Variants in MCAM observed in about 807,000 individuals in gnomAD.
MCAM encodes the protein cell surface glycoprotein MUC18.
MCAM carries 55 observed loss-of-function variants against 79.1 expected under a neutral mutation model. The observed-to-expected ratio is 0.70, with a 90% CI of 0.56 to 0.87. The LOEUF (loss-of-function observed/expected upper bound fraction) is 0.87. Among genes scored for constraint, MCAM ranks in the 40% least tolerant of loss-of-function variants. The pLI is 0.00. For missense variants in MCAM, 745 were observed against 839.8 expected, an observed-to-expected ratio of 0.89 and a Z score of 1.40; for synonymous variants, 330 against 339.8, an observed-to-expected ratio of 0.97 and a Z score of 0.32.
chr11:119,314,390 CAG>C, intron 5 of MCAM, 97 bp downstream of exon 5: 1 of 1,085,970 alleles, frequency 9.2e-7, no homozygotes, highest in South Asian at 1.3e-5. Flanking sequence ...TCCTCACCTC[CAG>C]AGATCCTCCT....
rs1309747775 is a variant in MCAM, at chr11:119,314,317, G to A, written c.559+172C>T. 7 of 622,280 alleles carry A rather than the reference G, an allele frequency of 1.1e-5. No individual in the cohort carries two copies. In the Admixed American group the frequency reaches 2.0e-4, roughly 18 times the overall value. The allele number at this position is 622,280 out of a possible 1,614,324, so 38.5% of individuals were successfully genotyped here. A position where few individuals can be genotyped will look rare whatever the true frequency, so the allele number is the denominator to read the frequency against. Reference sequence around the variant, plus strand: ...ACCACAGGCACACACCACCATGCCTGGCTAATTTTTTTATTTTCTGTAGAG... The same window carrying A: ...ACCACAGGCACACACCACCATGCCTAGCTAATTTTTTTATTTTCTGTAGAG... On this transcript the variant is annotated intron_variant, in intron 5 of 15. Transcript: ENST00000264036.
intron 15 of MCAM, 131 bp downstream of exon 15, chr11:119,310,215 GTGT>G: frequency 1.4e-6 from 1 of 715,800 alleles, no homozygotes; most frequent in South Asian, 1.6e-5. Flanking sequence ...TCTGTGAGTA[GTGT>G]TAAGAAGGCA....
Position 119,312,994 on chromosome 11 carries a change from T to A in MCAM, c.560-45A>T, listed in dbSNP as rs369352240. On this transcript the variant is annotated intron_variant, in intron 5 of 15. Coordinates refer to ENST00000264036, the MANE Select transcript of MCAM (RefSeq NM_006500.3). The surrounding 1 kb of genome is among the most constrained non-coding windows in gnomAD (Gnocchi z 4.9). ...AGGAAGACTCAGCCTCAGCCCCACCTCCAGCCCCACCCTAGGGTTGTCCAC... is the reference window on the plus strand; with the variant it reads ...AGGAAGACTCAGCCTCAGCCCCACCACCAGCCCCACCCTAGGGTTGTCCAC... The A allele has an allele frequency of 6.2e-7, 1 of 1,611,978 alleles. No homozygotes were observed. The highest frequency in any genetic ancestry group is 1.3e-5 in the African/African-American group (1 of 74,888).
chr11:119,314,453 G>A, intron 5 of MCAM, 36 bp downstream of exon 5: 1 of 1,570,312 alleles, frequency 6.4e-7, no homozygotes, highest in Non-Finnish European at 8.8e-7. Flanking sequence ...ACCACACCTG[G>A]CCCAAGGGTG....
At position 119,312,807 on chromosome 11, in the gene MCAM, G is replaced by T. The variant is rs1271818541; in HGVS notation, c.702C>A (p.His234Gln). 6.2e-7 allele frequency: 1 copy of T among 1,614,226 alleles called. No homozygotes were observed. The highest frequency in any genetic ancestry group is 1.1e-5 in the South Asian group (1 of 91,090). The change falls in exon 6 of 16, where the codon CAC (histidine) becomes CAA (glutamine). Residue 234 changes from histidine to glutamine, a missense_variant. Coordinates refer to ENST00000264036, the MANE Select transcript of MCAM (RefSeq NM_006500.3). The surrounding 1 kb of genome is among the most constrained non-coding windows in gnomAD (Gnocchi z 4.9). ...CGGTGACTTCCCTGGACTCCTTCAT[G>T]TGGTTCCCACTGGGCAGCCGGTAGT... Reference protein sequence around the residue: ...ELNYRLPSGNHMKESREVTVP... With the variant: ...ELNYRLPSGNQMKESREVTVP...
In MCAM at chr11:119,317,013, G is replaced by GC; in HGVS notation, c.67+21dup. 2 of 1,525,200 alleles carry GC rather than the reference G, an allele frequency of 1.3e-6. No individual in the cohort carries two copies. The highest frequency in any genetic ancestry group is 1.8e-6 in the Non-Finnish European group (2 of 1,140,350). The allele number at this position is 1,525,200 out of a possible 1,614,324, so 94.5% of individuals were successfully genotyped here. On this transcript the variant is annotated intron_variant, in intron 1 of 15. Transcript: ENST00000264036. This position sits in a 1 kb window ranked among gnomAD's most constrained non-coding sequence, Gnocchi z 6.2. ...ACCGCAGACCCCTAGCCGGGGCGCG[G>GC]CCCCCCTGCGAGCGAACTCACCCGC...
chr11:119,316,240 G>C lies in MCAM; in HGVS notation c.67+795C>G, dbSNP rs952588986. 6 of 152,386 alleles carry C rather than the reference G, an allele frequency of 3.9e-5. No homozygotes were observed. The highest frequency in any genetic ancestry group is 7.3e-5 in the Non-Finnish European group (5 of 68,066). 9.4% of individuals were successfully genotyped at this position (152,386 alleles called of 1,614,324 possible). On this transcript the variant is annotated intron_variant, in intron 1 of 15. Coordinates refer to ENST00000264036, the MANE Select transcript of MCAM (RefSeq NM_006500.3). This position sits in a 1 kb window ranked among gnomAD's most constrained non-coding sequence, Gnocchi z 4.8. ...GCCTAGCCCTCCCCTTCCCCAGCCG[G>C]ACAGCGGCTGGGACGGCGGAATGGG...
chr11:119,311,485 G>T lies in MCAM; in HGVS notation c.1407+45C>A, dbSNP rs764800632. On this transcript the variant is annotated intron_variant, in intron 11 of 15. Transcript: ENST00000264036. This position sits in a 1 kb window ranked among gnomAD's most constrained non-coding sequence, Gnocchi z 4.4. Reference sequence around the variant, plus strand: ...GGATCTCTGGTCCTGGCCACAAAGCGCAGGCAGGGATTAGGAGAGTGTGGC... The same window carrying T: ...GGATCTCTGGTCCTGGCCACAAAGCTCAGGCAGGGATTAGGAGAGTGTGGC... 2 of 1,613,666 alleles carry T rather than the reference G, an allele frequency of 1.2e-6. No homozygotes were observed. The highest frequency in any genetic ancestry group is 1.3e-5 in the African/African-American group (1 of 74,894).
chr11:119,312,695 G>C lies in MCAM; in HGVS notation c.740-47C>G, dbSNP rs777079515. On this transcript the variant is annotated intron_variant, in intron 6 of 15. Transcript: ENST00000264036. The surrounding 1 kb of genome is among the most constrained non-coding windows in gnomAD (Gnocchi z 4.9). ...CTCTTGGCCCATGAGTCAACCCTGG[G>C]CTGGATAAGGGGGAGCCAGCAGGAG... The C allele has an allele frequency of 1.9e-6, 3 of 1,614,018 alleles. No homozygotes were observed. The highest frequency in any genetic ancestry group is 1.7e-6 in the Non-Finnish European group (2 of 1,179,944).
chr11:119,314,741 C>A lies in MCAM; in HGVS notation c.409G>T (p.Glu137Ter). 1 of 1,613,806 alleles carries A rather than the reference C, an allele frequency of 6.2e-7. No homozygotes were observed. Among genetic ancestry groups the A allele is most frequent in the Non-Finnish European group, 8.5e-7 (1 of 1,179,932 alleles). The change falls in exon 4 of 16, where the codon GAG (glutamate) becomes TAG (stop). Residue 137 changes from glutamate to a stop codon, truncating the protein, a stop_gained. Transcript: ENST00000264036. LOFTEE classifies it high-confidence loss of function. ...RIQLRVYKAPEEPNIQVNPLG... is the reference protein window; with the variant it reads ...RIQLRVYKAP ...GGGTTGACCTGGATGTTTGGCTCCTCCGGAGCTTCTACAAGAAAATAGAAA... is the reference window on the plus strand; with the variant it reads ...GGGTTGACCTGGATGTTTGGCTCCTACGGAGCTTCTACAAGAAAATAGAAA...
chr11:119,313,644 G>T (rs766157768), intron 5 of MCAM: 2 of 248,848 alleles, frequency 8.0e-6, no homozygotes, highest in East Asian at 1.9e-4. Context: ...CAGGTGATCC[G>T]CCCACCTTGG....
rs200205606 is a variant in MCAM at position 119,314,978 on chromosome 11, A to G, written c.255T>C (p.Pro85=). The change falls in exon 3 of 16, where the codon CCT becomes CCC. Residue 85 remains proline (P), a synonymous_variant. Transcript: ENST00000264036. The stretch of plus-strand genomic sequence containing the variant: ...GGCTGAGCCGCTGCTCGTACTCCCC[A>G]GGTTCGCTCTGGCCCTGGCCCTGGC... ...RVRQGQGQSE[P]GEYEQRLSLQ... is the part of the protein sequence containing the mutation. 2.5e-6 allele frequency: 4 copies of G among 1,611,466 alleles called. No homozygotes were observed. The highest frequency in any genetic ancestry group is 2.2e-5 in the East Asian group (1 of 44,876).
In MCAM at chr11:119,310,756, A is replaced by T; in HGVS notation, c.1793T>A (p.Ile598Asn). ...LPCRRSGKQE[I>N]TLPPSRKSEL... ...GCGGAGGGGCCGGTGTTGGGCTTAC[A>T]TCTCCTGCTTCCCTGAGCGCCTGCA... The change falls in exon 14 of 16, where the codon ATC (isoleucine) becomes AAC (asparagine). Residue 598 changes from isoleucine to asparagine, a missense_variant and splice_region_variant. Physicochemically the swap from Ile to Asn is moderately radical, Grantham distance 149. Transcript: ENST00000264036. 6.2e-7 allele frequency: 1 copy of T among 1,613,786 alleles called. No individual in the cohort carries two copies. Among genetic ancestry groups the T allele is most frequent in the Non-Finnish European group, 8.5e-7 (1 of 1,179,950 alleles).
At position 119,315,785 on chromosome 11, in the gene MCAM, A is replaced by AGATCT; in HGVS notation, c.68-523_68-522insAGATC. On this transcript the variant is annotated intron_variant, in intron 1 of 15. Transcript: ENST00000264036. This position sits in a 1 kb window ranked among gnomAD's most constrained non-coding sequence, Gnocchi z 4.4. ...ATGCTCCCTCAGCAGCACCTCCATG[A>AGATCT]ACACTCCGCACACACCCGCGGACCC... is the stretch of plus-strand genomic sequence containing the variant. 1 of 171,290 alleles carries AGATCT rather than the reference A, an allele frequency of 5.8e-6. No individual in the cohort carries two copies. Among genetic ancestry groups the AGATCT allele is most frequent in the Non-Finnish European group, 1.3e-5 (1 of 78,002 alleles). The allele number at this position is 171,290 out of a possible 1,614,324, so 10.6% of individuals were successfully genotyped here. A position where few individuals can be genotyped will look rare whatever the true frequency, so the allele number is the denominator to read the frequency against.
Position 119,316,503 on chromosome 11 carries a change from G to T in MCAM, c.67+532C>A, listed in dbSNP as rs565896789. 62 of 154,280 alleles carry T rather than the reference G, an allele frequency of 4.0e-4. 2 individuals are homozygous for T. Among genetic ancestry groups the T allele is most frequent in the Non-Finnish European group, 7.4e-4 (51 of 69,294 alleles). 9.6% of individuals were successfully genotyped at this position (154,280 alleles called of 1,614,324 possible). ...GGCGCGAGGCGACCCACACCGCCCCGCAACCCCTGCCAACGCCCAGCTCGG... is the reference window on the plus strand; with the variant it reads ...GGCGCGAGGCGACCCACACCGCCCCTCAACCCCTGCCAACGCCCAGCTCGG... On this transcript the variant is annotated intron_variant, in intron 1 of 15. Coordinates refer to ENST00000264036, the MANE Select transcript of MCAM (RefSeq NM_006500.3). This position sits in a 1 kb window ranked among gnomAD's most constrained non-coding sequence, Gnocchi z 4.8.
chr11:119,315,408 C>T lies in MCAM; in HGVS notation c.68-145G>A. 2 of 1,058,924 alleles carry T rather than the reference C, an allele frequency of 1.9e-6. No homozygotes were observed. Among genetic ancestry groups the T allele is most frequent in the East Asian group, 2.6e-5 (1 of 38,122 alleles). 65.6% of individuals were successfully genotyped at this position (1,058,924 alleles called of 1,614,324 possible). On this transcript the variant is annotated intron_variant, in intron 1 of 15. Transcript: ENST00000264036. This position sits in a 1 kb window ranked among gnomAD's most constrained non-coding sequence, Gnocchi z 4.4. ...TCCTCTGAACGCTCTACCCCCACCC[C>T]GACCCGCGCCCCACCTGGGCCAGCC...
At chr11:119,310,208 G>A in intron 15 of MCAM, 141 bp downstream of exon 15, 2 of 698,270 alleles carry the variant, frequency 2.9e-6, no homozygotes, top group East Asian at 2.5e-5. Context: ...CCTGCCATCT[G>A]TGAGTAGTGT....
In MCAM at chr11:119,312,341, G is replaced by A. The variant is rs148555580; in HGVS notation, c.949C>T (p.Arg317Cys). 7.3e-5 allele frequency: 118 copies of A among 1,613,928 alleles called. No individual in the cohort carries two copies. Among genetic ancestry groups the A allele is most frequent in the East Asian group, 8.9e-5 (4 of 44,870 alleles). The change falls in exon 8 of 16, where the codon CGC becomes TGC. Residue 317 changes from arginine to cysteine, a missense_variant. Transcript: ENST00000264036. This position sits in a 1 kb window ranked among gnomAD's most constrained non-coding sequence, Gnocchi z 4.9. ...AAGTCCAGGCCCTGACATTCATAGC[G>A]CCCACTGTGTTCCTTCCGGGCAGGC... is the stretch of plus-strand genomic sequence containing the variant. ...LEPARKEHSG[R>C]YECQGLDLDT... is the part of the protein sequence containing the mutation.
chr11:119,315,517 C>G lies in MCAM; in HGVS notation c.68-254G>C. ...GAGCACCGAACAGCTCCAGCTGAGGCTGGTAGAGGGGCAGAAAGGGGCAAC... is the reference window on the plus strand; with the variant it reads ...GAGCACCGAACAGCTCCAGCTGAGGGTGGTAGAGGGGCAGAAAGGGGCAAC... On this transcript the variant is annotated intron_variant, in intron 1 of 15. Transcript: ENST00000264036. The surrounding 1 kb of genome is among the most constrained non-coding windows in gnomAD (Gnocchi z 4.4). The G allele has an allele frequency of 2.0e-6, 1 of 505,044 alleles. No individual in the cohort carries two copies. 31.3% of individuals were successfully genotyped at this position (505,044 alleles called of 1,614,324 possible). A position where few individuals can be genotyped will look rare whatever the true frequency, so the allele number is the denominator to read the frequency against.
Sources: allele counts gnomAD v4.1 joint callset, GRCh38; gene constraint gnomAD v4.1.1; non-coding constraint Gnocchi (gnomAD v3.1); transcripts MANE v1.5; gene names NCBI Gene and HGNC (gene_info 2026-07-23, HGNC 2026-07-21).